EYS: variants seen among roughly 807,000 people sequenced by gnomAD.
EYS encodes EGF-like photoreceptor maintenance factor.
EYS carries 250 observed loss-of-function variants against 282.1 expected under a neutral mutation model. The ratio of observed to expected loss-of-function variants is 0.89; its 90% confidence interval spans 0.80 to 0.98. The LOEUF is 0.98. Among genes scored for constraint, EYS ranks in the 50% least tolerant of loss-of-function variants. EYS has a pLI of 0.00. For missense variants in EYS, 4,016 were observed against 3,709.0 expected (o/e 1.08, Z -2.15); for synonymous variants, 1,355 against 1,282.9 (o/e 1.06, Z -1.20).
At position 63,863,675 on chromosome 6, in the gene EYS, C is replaced by CT. The variant is rs1284326554; in HGVS notation, c.7228+510dup. Among the ~76,000 whole-genome samples, 561 of 59,906 alleles carry CT rather than the reference C, an allele frequency of 9.4e-3. 3 individuals are homozygous for CT. Among genetic ancestry groups the CT allele is most frequent in the African/African-American group, 0.019 (339 of 17,570 alleles). The allele number at this position is 59,906 out of a possible 152,430, so 39.3% of individuals were successfully genotyped here. ...TTTCTTTTCTTTTCTTTTCTTTTTTCTTTTTTTTTTTTTTTTTTGAGATGG... is the reference window on the plus strand; with the variant it reads ...TTTCTTTTCTTTTCTTTTCTTTTTTCTTTTTTTTTTTTTTTTTTTGAGATGG... On this transcript the variant is annotated intron_variant, in intron 36 of 42. Transcript: ENST00000503581.
In EYS at chr6:65,105,889, C is replaced by T. The variant is rs1775021941; in HGVS notation, c.2024-48162G>A. On this transcript the variant is annotated intron_variant, in intron 12 of 42. Coordinates refer to ENST00000503581, the MANE Select transcript of EYS (RefSeq NM_001142800.2). ...TAATTGAAGAGCATAAATCTTTACT[C>T]ATATGTAAGGAAAAAGCAGTTTCCT... is the stretch of plus-strand genomic sequence containing the variant. 1.3e-5 allele frequency among the ~76,000 whole-genome samples: 2 copies of T among 151,784 alleles called. 1 individual carries two copies. The highest frequency in any genetic ancestry group is 4.2e-4 in the South Asian group (2 of 4,818).
At chr6:63,916,940 C>T (rs1196392836) in intron 35 of EYS, among the ~76,000 whole-genome samples, 4 of 152,124 alleles carry the variant, frequency 2.6e-5, no homozygotes, top group Non-Finnish European at 4.4e-5. Flanking sequence ...AATCTTGTCT[C>T]ATGTTAGTGA....
intron 26 of EYS, among the ~76,000 whole-genome samples, chr6:64,589,769 C>T (rs931627881): frequency 1.3e-5 from 2 of 151,830 alleles, no homozygotes; most frequent in African/African-American, 2.4e-5. Context: ...ATATACCATG[C>T]CATAGAGGAT....
intron 35 of EYS, among the ~76,000 whole-genome samples, chr6:63,870,551 A>G (rs1291340181): frequency 1.3e-5 from 2 of 152,128 alleles, no homozygotes; most frequent in African/African-American, 2.4e-5. Context: ...GCAGTTTCTC[A>G]CTTATTCCAC....
At chr6:64,745,990 G>T (rs530206860) in intron 22 of EYS, among the ~76,000 whole-genome samples, 1 of 152,170 alleles carries the variant, frequency 6.6e-6, no homozygotes, top group South Asian at 2.1e-4. Context: ...ATGCAGAACA[G>T]GCACTGCTGG....
intron 15 of EYS, among the ~76,000 whole-genome samples, chr6:64,927,600 A>C (rs986337608): frequency 6.6e-6 from 1 of 152,130 alleles, no homozygotes; most frequent in African/African-American, 2.4e-5. Context: ...TACAGGTGAC[A>C]ATAAAAAATA....
At chr6:65,071,074 T>C (rs1261281731) in intron 12 of EYS, among the ~76,000 whole-genome samples, 3 of 151,896 alleles carry the variant, frequency 2.0e-5, no homozygotes, top group African/African-American at 7.2e-5. Flanking sequence ...TTATCATTGC[T>C]GGACATGTTG....
Position 65,330,479 on chromosome 6 carries a change from T to G in EYS, c.1766+4501A>C, listed in dbSNP as rs188496943. Reference sequence around the variant, plus strand: ...ACAATATGGCTGGTATGATTTAGTCTTTGGCTCATTAAACATTTTATAAAC... The same window carrying G: ...ACAATATGGCTGGTATGATTTAGTCGTTGGCTCATTAAACATTTTATAAAC... On this transcript the variant is annotated intron_variant, in intron 11 of 42. Transcript: ENST00000503581. 6.1e-6 allele frequency: 6 copies of G among 984,414 alleles called. No individual in the cohort carries two copies. The South Asian group carries it at 1.9e-4, about 31-fold the overall frequency. The allele number at this position is 984,414 out of a possible 1,614,324, so 61.0% of individuals were successfully genotyped here.
intron 33 of EYS, among the ~76,000 whole-genome samples, chr6:64,030,500 AAAG>A (rs1269926755): frequency 2.0e-5 from 3 of 152,196 alleles, no homozygotes; most frequent in East Asian, 3.9e-4. Flanking sequence ...CACTGCTGAG[AAAG>A]AAGGACTCTG....
intron 35 of EYS, among the ~76,000 whole-genome samples, chr6:63,914,936 G>C (rs1764381651): frequency 6.6e-6 from 1 of 152,092 alleles, no homozygotes; most frequent in Admixed American, 6.6e-5. Context: ...TTTAAAGAAA[G>C]AGCCATCTCT....
intron 8 of EYS, among the ~76,000 whole-genome samples, chr6:65,358,153 A>T (rs549625802): frequency 6.0e-4 from 92 of 152,132 alleles, no homozygotes; most frequent in African/African-American, 2.0e-3. Flanking sequence ...TTGATTTTTT[A>T]AATTTATTTA....
chr6:64,687,384 A>C (rs2149910809), intron 22 of EYS, among the ~76,000 whole-genome samples: 1 of 152,286 alleles, frequency 6.6e-6, no homozygotes, highest in Non-Finnish European at 1.5e-5. Flanking sequence ...AAATTGTTTA[A>C]AAGTCATGCA....
chr6:64,005,244 C>T (rs367982588), intron 33 of EYS, among the ~76,000 whole-genome samples: 47 of 152,198 alleles, frequency 3.1e-4, no homozygotes, highest in East Asian at 1.2e-3. Context: ...TATATGCTTT[C>T]GGCCACAAGT....
chr6:64,187,820 TAGAC>T (rs1276453287), intron 31 of EYS, among the ~76,000 whole-genome samples: 1 of 151,274 alleles, frequency 6.6e-6, no homozygotes, highest in Admixed American at 6.6e-5. Context: ...AGAAAGTAAT[TAGAC>T]AGATTTTTTT....
chr6:64,164,846 A>G (rs1378548893), intron 31 of EYS, among the ~76,000 whole-genome samples: 1 of 152,188 alleles, frequency 6.6e-6, no homozygotes, highest in East Asian at 1.9e-4. Context: ...TTAAGCAGAC[A>G]AAATAATTCT....
intron 12 of EYS, among the ~76,000 whole-genome samples, chr6:65,246,271 T>A (rs1767176887): frequency 6.6e-6 from 1 of 152,106 alleles, no homozygotes; most frequent in African/African-American, 2.4e-5. Context: ...TTGATGAAAC[T>A]GACATACAGA....
chr6:64,885,331 GT>G (rs1767054775), intron 19 of EYS, among the ~76,000 whole-genome samples: 1 of 151,548 alleles, frequency 6.6e-6, no homozygotes, highest in Non-Finnish European at 1.5e-5. Context: ...AATTAAAGAG[GT>G]TATCAAAAGA....
At chr6:64,050,501 A>C (rs1770775536) in intron 33 of EYS, among the ~76,000 whole-genome samples, 1 of 152,214 alleles carries the variant, frequency 6.6e-6, no homozygotes, top group South Asian at 2.1e-4. Flanking sequence ...CTGAAAATAC[A>C]TGAATAGGGA....
At chr6:64,564,117 T>A (rs1020070354) in intron 26 of EYS, among the ~76,000 whole-genome samples, 1 of 151,780 alleles carries the variant, frequency 6.6e-6, no homozygotes, top group African/African-American at 2.4e-5. Flanking sequence ...TACCCACGAG[T>A]GGGATTGCTG....
Sources: allele counts gnomAD v4.1 joint callset (sites outside exome capture counted in the v4.1 genomes callset), GRCh38; gene constraint gnomAD v4.1.1; transcripts MANE v1.5; gene names NCBI Gene and HGNC (gene_info 2026-07-23, HGNC 2026-07-21).